Variants in SCN3A observed in about 807,000 individuals in gnomAD.
The protein encoded by SCN3A is sodium voltage-gated channel alpha subunit 3.
SCN3A carries 60 observed loss-of-function variants against 187.6 expected under a neutral mutation model. The ratio of observed to expected loss-of-function variants is 0.32; its 90% confidence interval spans 0.26 to 0.40. The LOEUF (loss-of-function observed/expected upper bound fraction) is 0.40, where lower values mean the gene tolerates loss of function less well. SCN3A is among the 10% of genes least tolerant of loss of function. The pLI is 1.00. For synonymous variants in SCN3A, 788 were observed against 829.2 expected (o/e 0.95, Z 0.85); for missense variants, 1,601 against 2,428.2 (o/e 0.66, Z 7.16).
At chr2:165,193,895 G>A (rs189358707) in intron 1 of SCN3A, among the ~76,000 whole-genome samples, 7 of 152,208 alleles carry the variant, frequency 4.6e-5, no homozygotes, top group African/African-American at 1.4e-4. Context: ...CTGGAGCACA[G>A]GATGATTTAG....
At chr2:165,111,492 CA>C in intron 21 of SCN3A, among the ~76,000 whole-genome samples, 1 of 48,690 alleles carries the variant, frequency 2.1e-5, no homozygotes, top group Admixed American at 1.3e-4. Flanking sequence ...GATACACACA[CA>C]CACACACACA....
chr2:165,103,707 TC>T (rs199838902), intron 21 of SCN3A, among the ~76,000 whole-genome samples: 1 of 152,146 alleles, frequency 6.6e-6, no homozygotes, highest in East Asian at 1.9e-4. Context: ...ATTCTGGAAA[TC>T]CTGTGATTGG....
chr2:165,130,683 G>A (rs923587778), intron 16 of SCN3A, among the ~76,000 whole-genome samples: 1 of 151,662 alleles, frequency 6.6e-6, no homozygotes. Context: ...ATTTTTATAG[G>A]CCAATATAAA....
chr2:165,095,428 T>C, intron 25 of SCN3A, 83 bp downstream of exon 25: 2 of 1,377,898 alleles, frequency 1.5e-6, no homozygotes, highest in South Asian at 1.2e-5. Flanking sequence ...AAGTCTGTCA[T>C]GACCACAGGT....
In SCN3A at chr2:165,115,752, C is replaced by T. The variant is rs147220631; in HGVS notation, c.3394-177G>A. 7.7e-4 allele frequency among the ~76,000 whole-genome samples: 117 copies of T among 152,152 alleles called. 1 individual carries two copies. The highest frequency in any genetic ancestry group is 2.6e-3 in the African/African-American group (107 of 41,518). On this transcript the variant is annotated intron_variant, in intron 18 of 27. Transcript: ENST00000283254. ...AATCAAGTTGTACTATTCAAAATAACGTGACTACTGACCTGAATCAGACAA... is the reference window on the plus strand; with the variant it reads ...AATCAAGTTGTACTATTCAAAATAATGTGACTACTGACCTGAATCAGACAA...
chr2:165,126,600 G>GTTCCTTCCTTCCTTCA (rs147035920), intron 18 of SCN3A, among the ~76,000 whole-genome samples: 1 of 86,692 alleles, frequency 1.2e-5, no homozygotes, highest in East Asian at 3.8e-4. Context: ...CCCTCCCTTC[G>GTTCCTTCCTTCCTTCA]TTCCTTCCTT....
In SCN3A at chr2:165,095,686, A is replaced by G. The variant is rs755036481; in HGVS notation, c.4294-38T>C. ...GAAAATATTAAATAATATGAAAAATACTATAAATACTTACACTAAATCAGT... is the reference window on the plus strand; with the variant it reads ...GAAAATATTAAATAATATGAAAAATGCTATAAATACTTACACTAAATCAGT... On this transcript the variant is annotated intron_variant, in intron 24 of 27. Transcript: ENST00000283254. 63 of 1,103,620 alleles carry G rather than the reference A, an allele frequency of 5.7e-5. 1 individual carries two copies. The African/African-American group carries it at 9.7e-4, about 17-fold the overall frequency. The allele number at this position is 1,103,620 out of a possible 1,614,324, so 68.4% of individuals were successfully genotyped here. A position where few individuals can be genotyped will look rare whatever the true frequency, so the allele number is the denominator to read the frequency against.
At position 165,162,602 on chromosome 2, in the gene SCN3A, A is replaced by C; in HGVS notation, c.921T>G (p.Asn307Lys). The part of the protein sequence containing the change: ...GTMDSNGTFV[N>K]VTMSTFNWKD... ...TCCAGTTAAATGTGCTCATTGTTAC[A>C]TTAACAAATGTCCCATTTGAATCCA... Residue 307 changes from asparagine (N) to lysine (K), a missense_variant, in exon 8 of 28, where the codon AAT (asparagine) becomes AAG (lysine). Asn to Lys is a moderately conservative substitution (Grantham distance 94, BLOSUM62 0). This residue lies in a region of SCN3A where 104 missense variants were observed against 102.7 expected (regional missense o/e 1.01). Coordinates refer to ENST00000283254, the MANE Select transcript of SCN3A (RefSeq NM_006922.4). The C allele has an allele frequency of 6.2e-7, 1 of 1,614,186 alleles. No individual in the cohort carries two copies. The highest frequency in any genetic ancestry group is 8.5e-7 in the Non-Finnish European group (1 of 1,180,024).
chr2:165,140,624 A>G lies in SCN3A; in HGVS notation c.2019+27T>C, dbSNP rs1264402353. 1 of 1,581,132 alleles carries G rather than the reference A, an allele frequency of 6.3e-7. No individual in the cohort carries two copies. Among genetic ancestry groups the G allele is most frequent in the Non-Finnish European group, 8.7e-7 (1 of 1,149,964 alleles). ...TTATTTCAAATTGGTGAATAATGTC[A>G]GTAGCAGCTAGGTCATCTATTATCA... On this transcript the variant is annotated intron_variant, in intron 13 of 27. Coordinates refer to ENST00000283254, the MANE Select transcript of SCN3A (RefSeq NM_006922.4). The surrounding 1 kb of genome is among the most constrained non-coding windows in gnomAD (Gnocchi z 4.2).
chr2:165,126,995 A>C (rs1451411887), intron 18 of SCN3A, among the ~76,000 whole-genome samples: 2 of 152,346 alleles, frequency 1.3e-5, no homozygotes, highest in East Asian at 3.9e-4. Flanking sequence ...TGACGAAAAT[A>C]AGTTATTTTT....
intron 18 of SCN3A, among the ~76,000 whole-genome samples, chr2:165,121,900 A>G (rs970071079): frequency 2.0e-5 from 3 of 152,212 alleles, no homozygotes; most frequent in Non-Finnish European, 2.9e-5. Context: ...TTAATAACTG[A>G]AAATAGTAAA....
rs920402 is a variant in SCN3A, at chr2:165,203,988, T to C, written c.-413A>G. The C allele has an allele frequency of 1.3e-5, 2 of 149,250 alleles. No homozygotes were observed. Among genetic ancestry groups the C allele is most frequent in the South Asian group, 4.2e-4 (2 of 4,722 alleles). The allele number at this position is 149,250 out of a possible 1,614,324, so 9.2% of individuals were successfully genotyped here. ...ACAATTTTTTTTCTTTCTTTCTCTG[T>C]GGATAAGAAAACAAAGAGACCTTTC... On this transcript the variant is annotated 5_prime_UTR_variant, in exon 1 of 28. Transcript: ENST00000283254.
chr2:165,141,514 A>T (rs919117453), intron 12 of SCN3A, among the ~76,000 whole-genome samples: 1 of 152,196 alleles, frequency 6.6e-6, no homozygotes, highest in African/African-American at 2.4e-5. Flanking sequence ...TTTTTAAAAA[A>T]CTACTATTTT....
At chr2:165,150,075 A>G (rs748618354) in intron 11 of SCN3A, among the ~76,000 whole-genome samples, 3 of 152,198 alleles carry the variant, frequency 2.0e-5, no homozygotes, top group Non-Finnish European at 2.9e-5. Flanking sequence ...TCAGAGCAAT[A>G]TAGACTGCTA....
At chr2:165,157,785 G>T (rs4667787) in intron 9 of SCN3A, among the ~76,000 whole-genome samples, 34,482 of 152,004 alleles carry the variant, frequency 0.23, 5,116 homozygotes, top group East Asian at 0.52. Context: ...GTCATGGATA[G>T]TCATTTTATA....
chr2:165,090,414 A>G lies in SCN3A; in HGVS notation c.5739T>C (p.Cys1913=), dbSNP rs1553517042. 6.2e-7 allele frequency: 1 copy of G among 1,613,486 alleles called. No homozygotes were observed. Among genetic ancestry groups the G allele is most frequent in the African/African-American group, 1.3e-5 (1 of 75,020 alleles). ...SAAIIQRNFR[C]YLLKQRLKNI... ...TTTTTAACCTTTGCTTTAAAAGATA[A>G]CATCTGAAATTACGCTGAATGATAG... The change falls in exon 28 of 28, where the codon TGT becomes TGC. Residue 1913 remains cysteine, a synonymous_variant. Transcript: ENST00000283254. This position sits in a 1 kb window ranked among gnomAD's most constrained non-coding sequence, Gnocchi z 4.0.
chr2:165,176,880 C>T lies in SCN3A; in HGVS notation c.-50-436G>A, dbSNP rs181542541. ...CTTAATTATTCTGCATCCTGCCCCC[C>T]GCCTTTTCATAACTTTGTAACTCCC... On this transcript the variant is annotated intron_variant, in intron 2 of 27. Transcript: ENST00000283254. Among the ~76,000 whole-genome samples, 31 of 152,286 alleles carry T rather than the reference C, an allele frequency of 2.0e-4. No individual in the cohort carries two copies. In the East Asian group the frequency reaches 4.8e-3, roughly 24 times the overall value.
chr2:165,090,720 A>G lies in SCN3A; in HGVS notation c.5433T>C (p.Ser1811=), dbSNP rs1368171596. The part of the protein sequence containing the change: ...DPDATQFIEF[S]KLSDFAAALD... ...GGGCAGCTGCAAAATCAGAGAGTTT[A>G]GAGAACTCTATAAACTGGGTCGCAT... Residue 1811 remains serine (S), a synonymous_variant, in exon 28 of 28, where the codon TCT becomes TCC. Transcript: ENST00000283254. The surrounding 1 kb of genome is among the most constrained non-coding windows in gnomAD (Gnocchi z 4.0). 9 of 1,614,130 alleles carry G rather than the reference A, an allele frequency of 5.6e-6. No individual in the cohort carries two copies. The highest frequency in any genetic ancestry group is 2.7e-5 in the African/African-American group (2 of 75,032).
intron 10 of SCN3A, 118 bp downstream of exon 10, chr2:165,155,644 C>T: frequency 1.8e-6 from 2 of 1,113,952 alleles, no homozygotes; most frequent in Non-Finnish European, 2.7e-6. Context: ...AGTGATCCAT[C>T]CGCCTCTGCC....
Sources: gnomAD v4.1 joint callset for allele counts (sites outside exome capture counted in the v4.1 genomes callset) on GRCh38, gnomAD v4.1.1 for gene constraint, gnomAD v4.1.1 regional missense constraint, Gnocchi (gnomAD v3.1) non-coding constraint, MANE v1.5 for transcripts, NCBI Gene and HGNC (gene_info 2026-07-23, HGNC 2026-07-21) for gene names.